Variants in STK3 observed in about 807,000 individuals in gnomAD.
STK3 encodes serine/threonine-protein kinase 3.
STK3 carries 41 observed loss-of-function variants against 58.0 expected under a neutral mutation model. That is an observed-to-expected ratio of 0.71 (90% confidence interval 0.55 to 0.92). The LOEUF (loss-of-function observed/expected upper bound fraction) is 0.92, where lower values mean the gene tolerates loss of function less well. Ranked by LOEUF, STK3 falls within the 40% of genes least tolerant of loss-of-function variation. The probability of loss-of-function intolerance (pLI) is 0.00; values close to 1 mark genes in which losing one functional copy is unlikely to be tolerated. For synonymous variants in STK3, 170 were observed against 191.0 expected (o/e 0.89, Z 0.91); for missense variants, 479 against 602.7 (o/e 0.79, Z 2.15).
At chr8:98,357,508 C>T in the STK3 span, among the ~76,000 whole-genome samples, 12 of 152,312 alleles carry the variant, frequency 7.9e-5, no homozygotes, top group African/African-American at 2.9e-4. Flanking sequence ...ACTGCAGCCA[C>T]CATGGTTGGA....
chr8:98,858,309 TATATATATATATATAGAGAG>T (rs1836763180), intron 3 of STK3, among the ~76,000 whole-genome samples: 1 of 70,918 alleles, frequency 1.4e-5, no homozygotes, highest in African/African-American at 5.3e-5. Context: ...TATATATATA[TATATATATATATATAGAGAG>T]AGAGAGAGAG....
chr8:98,901,436 T>C (rs1304142600), intron 1 of STK3, among the ~76,000 whole-genome samples: 1 of 152,204 alleles, frequency 6.6e-6, no homozygotes, highest in Non-Finnish European at 1.5e-5. Flanking sequence ...AGAGATTACA[T>C]TGGTTTAAGA....
At position 98,659,212 on chromosome 8, in the gene STK3, C is replaced by T. The variant is rs571457925; in HGVS notation, c.684+47255G>A. The stretch of plus-strand genomic sequence containing the variant: ...TTCATACAATTTTTCATTATTTTTG[C>T]AAAATTCAAGGAGTAATATATCACT... On this transcript the variant is annotated intron_variant, in intron 6 of 10. Coordinates refer to ENST00000419617, the MANE Select transcript of STK3 (RefSeq NM_006281.4). Among the ~76,000 whole-genome samples, 3 of 152,020 alleles carry T rather than the reference C, an allele frequency of 2.0e-5. No individual in the cohort carries two copies. The East Asian group carries it at 5.8e-4, about 29-fold the overall frequency.
intron 4 of STK3, among the ~76,000 whole-genome samples, chr8:98,724,132 G>C (rs552247146): frequency 2.4e-4 from 36 of 152,282 alleles, no homozygotes; most frequent in African/African-American, 8.4e-4. Flanking sequence ...ACAATACTAA[G>C]CGATGCCTGC....
intron 10 of STK3, among the ~76,000 whole-genome samples, chr8:98,510,645 A>G (rs1057378509): frequency 6.6e-6 from 1 of 152,096 alleles, no homozygotes; most frequent in Non-Finnish European, 1.5e-5. Flanking sequence ...GAAGGTAAAT[A>G]CATCAATTTA....
intron 1 of STK3, among the ~76,000 whole-genome samples, chr8:98,805,121 T>C (rs576776027): frequency 6.6e-6 from 1 of 152,294 alleles, no homozygotes; most frequent in Admixed American, 6.5e-5. Flanking sequence ...AAGAGATATT[T>C]CAAAAGCAGA....
chr8:98,809,271 G>T (rs1834075916), intron 1 of STK3, among the ~76,000 whole-genome samples: 1 of 152,168 alleles, frequency 6.6e-6, no homozygotes, highest in African/African-American at 2.4e-5. Context: ...AGAGGCCTGG[G>T]GCTTGCAACT....
intron 9 of STK3, among the ~76,000 whole-genome samples, chr8:98,543,869 T>G (rs1019181384): frequency 1.3e-5 from 2 of 152,148 alleles, no homozygotes; most frequent in Middle Eastern, 3.4e-3. Context: ...CAGCACTCAA[T>G]AGCCAGGGTA....
chr8:98,350,791 T>C, the STK3 span, among the ~76,000 whole-genome samples: 1 of 152,198 alleles, frequency 6.6e-6, no homozygotes, highest in Non-Finnish European at 1.5e-5. Flanking sequence ...ACTGCCCCCA[T>C]GATTCAGTTA....
intron 1 of STK3, chr8:98,437,423 C>T (rs1818531356): frequency 6.6e-6 from 1 of 152,354 alleles, no homozygotes; most frequent in East Asian, 1.9e-4. Context: ...GCCAGTCCAT[C>T]TGCCCAGCAG....
intron 1 of STK3, chr8:98,905,251 C>A: frequency 1.2e-6 from 1 of 840,172 alleles, no homozygotes; most frequent in South Asian, 1.3e-5. Flanking sequence ...CATTATCTTG[C>A]CTTGAAACTC....
intron 6 of STK3, among the ~76,000 whole-genome samples, chr8:98,604,044 T>C (rs963228957): frequency 6.6e-6 from 1 of 151,920 alleles, no homozygotes; most frequent in Admixed American, 6.6e-5. Flanking sequence ...CAGAGGGAGA[T>C]GTGAGTTTGG....
chr8:98,690,971 C>T (rs981814084), intron 6 of STK3, among the ~76,000 whole-genome samples: 1 of 152,192 alleles, frequency 6.6e-6, no homozygotes, highest in East Asian at 1.9e-4. Context: ...GAAAACCAAA[C>T]ACTGCATGTT....
At chr8:98,474,238 A>T (rs1821140229) in intron 10 of STK3, among the ~76,000 whole-genome samples, 1 of 152,126 alleles carries the variant, frequency 6.6e-6, no homozygotes, top group African/African-American at 2.4e-5. Flanking sequence ...TAGCTTCCTA[A>T]CTAGTTTCCT....
chr8:98,749,786 C>G (rs1315570819), intron 3 of STK3, among the ~76,000 whole-genome samples: 1 of 151,994 alleles, frequency 6.6e-6, no homozygotes, highest in Admixed American at 6.6e-5. Context: ...ATCTATATTT[C>G]CATGAGGCCA....
At chr8:98,394,153 G>A (rs1275041223) in intron 3 of STK3, among the ~76,000 whole-genome samples, 1 of 152,194 alleles carries the variant, frequency 6.6e-6, no homozygotes, top group Non-Finnish European at 1.5e-5. Flanking sequence ...AAAGCAGGAA[G>A]AGAATGTAGC....
At chr8:98,761,593 ATCT>A (rs1563973398) in intron 3 of STK3, among the ~76,000 whole-genome samples, 1 of 152,210 alleles carries the variant, frequency 6.6e-6, no homozygotes, top group African/African-American at 2.4e-5. Context: ...TCTTACTATA[ATCT>A]TAGTAGTGTT....
At chr8:98,718,707 A>G (rs1827197824) in intron 4 of STK3, among the ~76,000 whole-genome samples, 1 of 152,152 alleles carries the variant, frequency 6.6e-6, no homozygotes. Context: ...TATGATATTA[A>G]TATATTAATG....
chr8:98,393,434 G>A (rs1449910645), intron 3 of STK3, among the ~76,000 whole-genome samples: 1 of 152,078 alleles, frequency 6.6e-6, no homozygotes, highest in Non-Finnish European at 1.5e-5. Flanking sequence ...TGACTTTATA[G>A]CTCCTCCCAT....
Sources: allele counts gnomAD v4.1 joint callset (sites outside exome capture counted in the v4.1 genomes callset), GRCh38; gene constraint gnomAD v4.1.1; transcripts MANE v1.5; gene names NCBI Gene and HGNC (gene_info 2026-07-23, HGNC 2026-07-21).